Variants in TBC1D22A observed in about 807,000 individuals in gnomAD.
The protein encoded by TBC1D22A is TBC1 domain family member 22A.
A neutral mutation model predicts 60.2 loss-of-function variants in TBC1D22A; 38 were observed. The observed-to-expected ratio is 0.63, with a 90% CI of 0.49 to 0.83. The LOEUF (loss-of-function observed/expected upper bound fraction) is 0.83. Among genes scored for constraint, TBC1D22A ranks in the 40% least tolerant of loss-of-function variants. The pLI, the probability that TBC1D22A is intolerant of heterozygous loss-of-function variation, is 0.00. For missense variants in TBC1D22A, 628 were observed against 701.0 expected, an observed-to-expected ratio of 0.90 and a Z score of 1.18; for synonymous variants, 302 against 281.7, an observed-to-expected ratio of 1.07 and a Z score of -0.72.
chr22:46,826,164 A>T (rs997991362), intron 4 of TBC1D22A, among the ~76,000 whole-genome samples: 1 of 152,130 alleles, frequency 6.6e-6, no homozygotes, highest in Non-Finnish European at 1.5e-5. Context: ...TATAGGCGTG[A>T]GCCACCACAC....
chr22:47,170,987 G>C (rs2068426147), intron 12 of TBC1D22A, among the ~76,000 whole-genome samples: 1 of 152,328 alleles, frequency 6.6e-6, no homozygotes, highest in South Asian at 2.1e-4. Flanking sequence ...GCCTCAGTGA[G>C]GGTGGGGCAA....
At chr22:46,929,605 G>A (rs1421840365) in intron 8 of TBC1D22A, among the ~76,000 whole-genome samples, 1 of 152,158 alleles carries the variant, frequency 6.6e-6, no homozygotes, top group African/African-American at 2.4e-5. Flanking sequence ...GAGGAGCCAG[G>A]AGCAATTAAT....
At chr22:47,025,966 G>A (rs1451164664) in intron 10 of TBC1D22A, among the ~76,000 whole-genome samples, 1 of 152,162 alleles carries the variant, frequency 6.6e-6, no homozygotes, top group Non-Finnish European at 1.5e-5. Context: ...AGTGCAGACT[G>A]GTATCCATCA....
chr22:47,096,518 T>C (rs2065177614), intron 11 of TBC1D22A, among the ~76,000 whole-genome samples: 1 of 152,298 alleles, frequency 6.6e-6, no homozygotes, highest in Non-Finnish European at 1.5e-5. Flanking sequence ...ACTTCATCAG[T>C]TTTTAAAATT....
chr22:46,908,349 A>C (rs9627618), intron 7 of TBC1D22A, among the ~76,000 whole-genome samples: 2,015 of 152,294 alleles, frequency 0.013, 45 homozygotes, highest in African/African-American at 0.046. Context: ...CCTCAGGAGC[A>C]GTGCCCTAAA....
intron 11 of TBC1D22A, among the ~76,000 whole-genome samples, chr22:47,064,296 C>T (rs1410482072): frequency 1.3e-5 from 2 of 152,258 alleles, no homozygotes; most frequent in African/African-American, 2.4e-5. Context: ...CGGTGCCGGG[C>T]GGTCATGCCG....
intron 1 of TBC1D22A, among the ~76,000 whole-genome samples, chr22:46,773,168 C>A (rs1437049657): frequency 6.6e-6 from 1 of 152,168 alleles, no homozygotes; most frequent in East Asian, 1.9e-4. Context: ...CCCTTCACCC[C>A]CTGAACACAG....
chr22:46,808,505 T>C (rs542138461), intron 4 of TBC1D22A, among the ~76,000 whole-genome samples: 5 of 152,294 alleles, frequency 3.3e-5, no homozygotes, highest in African/African-American at 1.2e-4. Flanking sequence ...AATCCTTGGT[T>C]TTGCATAGAG....
At chr22:46,888,428 TG>T (rs1172766308) in intron 5 of TBC1D22A, among the ~76,000 whole-genome samples, 1 of 152,216 alleles carries the variant, frequency 6.6e-6, no homozygotes. Context: ...CCATCCGGGA[TG>T]TATTTGTTCA....
chr22:46,910,883 C>T (rs185567823), intron 7 of TBC1D22A, among the ~76,000 whole-genome samples: 2 of 148,270 alleles, frequency 1.3e-5, no homozygotes, highest in Admixed American at 1.3e-4. Context: ...TTCCAGGCAG[C>T]GGTAGGAGTA....
chr22:47,111,814 C>T (rs1023968276), intron 12 of TBC1D22A, among the ~76,000 whole-genome samples: 2 of 152,200 alleles, frequency 1.3e-5, no homozygotes, highest in Non-Finnish European at 2.9e-5. Context: ...ACGCTGCCCA[C>T]GTTATGAGTT....
Position 47,038,389 on chromosome 22 carries a change from G to A in TBC1D22A, c.1329+1191G>A, listed in dbSNP as rs111579145. ...GGAGGCTTTTTCTAAGGCGGCATAG[G>A]TCCCAGGCACTGCGTTGGGTCCCAA... is the stretch of plus-strand genomic sequence containing the variant. On this transcript the variant is annotated intron_variant, in intron 11 of 12. Transcript: ENST00000337137. Among the ~76,000 whole-genome samples the A allele has an allele frequency of 4.8e-3, 734 of 152,302 alleles. 5 individuals carry two copies. The highest frequency in any genetic ancestry group is 0.014 in the Middle Eastern group (4 of 294).
intron 8 of TBC1D22A, among the ~76,000 whole-genome samples, chr22:46,945,666 C>T (rs1569255860): frequency 6.6e-6 from 1 of 152,228 alleles, no homozygotes; most frequent in Non-Finnish European, 1.5e-5. Context: ...CCGAGTCCTT[C>T]TGCCCTTTCC....
At chr22:46,840,664 C>T (rs545173016) in intron 4 of TBC1D22A, among the ~76,000 whole-genome samples, 8 of 151,212 alleles carry the variant, frequency 5.3e-5, no homozygotes, top group South Asian at 2.1e-4. Context: ...ACCCAGAAGG[C>T]GGAGGTTGCA....
intron 7 of TBC1D22A, among the ~76,000 whole-genome samples, chr22:46,908,123 C>T (rs2069624007): frequency 6.6e-6 from 1 of 152,224 alleles, no homozygotes; most frequent in Admixed American, 6.5e-5. Context: ...TTTTTAGCAG[C>T]AACCTCTGCT....
In TBC1D22A at chr22:47,163,158, C is replaced by G. The variant is rs28580276; in HGVS notation, c.1426-10340C>G. On this transcript the variant is annotated intron_variant, in intron 12 of 12. Transcript: ENST00000337137. ...CCTTTTCCAACAAGCACTGCCCCCCCGCCCGGCCCCTGGCTGCCCCACCCA... is the reference window on the plus strand; with the variant it reads ...CCTTTTCCAACAAGCACTGCCCCCCGGCCCGGCCCCTGGCTGCCCCACCCA... Among the ~76,000 whole-genome samples, 5 of 152,184 alleles carry G rather than the reference C, an allele frequency of 3.3e-5. No individual in the cohort carries two copies. In the East Asian group the frequency reaches 5.8e-4, roughly 18 times the overall value.
chr22:46,830,232 C>G (rs2086253123), intron 4 of TBC1D22A, among the ~76,000 whole-genome samples: 1 of 152,240 alleles, frequency 6.6e-6, no homozygotes, highest in Non-Finnish European at 1.5e-5. Flanking sequence ...GGTGGATGGT[C>G]TGCTTTCTGA....
chr22:47,080,937 A>G (rs1432237129), intron 11 of TBC1D22A, among the ~76,000 whole-genome samples: 1 of 152,154 alleles, frequency 6.6e-6, no homozygotes, highest in Non-Finnish European at 1.5e-5. Flanking sequence ...CCTGACCAAC[A>G]TGGAGAAACC....
At chr22:46,903,927 G>A (rs1036229042) in intron 7 of TBC1D22A, among the ~76,000 whole-genome samples, 1 of 152,154 alleles carries the variant, frequency 6.6e-6, no homozygotes, top group African/African-American at 2.4e-5. Flanking sequence ...GTGCCCCGCT[G>A]CCCGTGGACG....
Sources: allele counts gnomAD v4.1 joint callset (sites outside exome capture counted in the v4.1 genomes callset), GRCh38; gene constraint gnomAD v4.1.1; transcripts MANE v1.5; gene names NCBI Gene and HGNC (gene_info 2026-07-23, HGNC 2026-07-21).